Variants in WDR62 observed in about 807,000 individuals in gnomAD.
WDR62 encodes the protein WD repeat domain 62, also known as WD repeat-containing protein 62.
WDR62 carries 112 observed loss-of-function variants against 160.6 expected under a neutral mutation model. That is an observed-to-expected ratio of 0.70 (90% CI 0.60 to 0.82). WDR62 has a LOEUF of 0.82. Among genes scored for constraint, WDR62 ranks in the 40% least tolerant of loss-of-function variants. WDR62 has a pLI of 0.00. For missense variants in WDR62, 1,819 were observed against 1,983.8 expected (o/e 0.92, Z 1.58); for synonymous variants, 792 against 815.1 (o/e 0.97, Z 0.48).
At chr19:36,092,599 T>G (rs1446131473) in intron 18 of WDR62, 90 bp from the exon 19 acceptor site, 9 of 1,564,328 alleles carry the variant, frequency 5.8e-6, no homozygotes, top group African/African-American at 2.7e-5. Flanking sequence ...GGGTCCAGGC[T>G]GTGGTGTGGG....
Position 36,102,142 on chromosome 19 carries a change from C to T in WDR62, c.3211C>T (p.Pro1071Ser), listed in dbSNP as rs138098165. ...RHHFETLTES[P>S]CRELFPAALG... ...CCACTTTGAGACACTGACTGAGTCC[C>T]CCTGCAGAGGTAGGGCCCTGCCTCA... The change falls in exon 26 of 32, where the codon CCC (proline) becomes TCC (serine). Residue 1071 changes from proline to serine, a missense_variant. By Grantham distance (74) the Pro-to-Ser change is moderately conservative. Coordinates refer to ENST00000401500, the MANE Select transcript of WDR62 (RefSeq NM_001083961.2). The T allele has an allele frequency of 6.2e-6, 10 of 1,613,894 alleles. No individual in the cohort carries two copies. In the Admixed American group the frequency reaches 1.0e-4, roughly 16 times the overall value.
chr19:36,103,169 G>C lies in WDR62; in HGVS notation c.3476G>C (p.Gly1159Ala), dbSNP rs757263039. The C allele has an allele frequency of 2.5e-6, 4 of 1,614,096 alleles. No individual in the cohort carries two copies. The Admixed American group carries it at 5.0e-5, about 20-fold the overall frequency. ...CTGTGCCTGCAGGTCCTCGCTGCAG[G>C]GAAGGCTGAAGAGACCCTGGAGGCC... ...SPDRTHVLAAGKAEETLEAWR... is the reference protein window; with the variant it reads ...SPDRTHVLAAAKAEETLEAWR... Residue 1159 changes from glycine to alanine, a missense_variant, in exon 29 of 32, where the codon GGG (glycine) becomes GCG (alanine). This residue lies in a region of WDR62 where 770 missense variants were observed against 734.2 expected (regional missense o/e 1.05). Coordinates refer to ENST00000401500, the MANE Select transcript of WDR62 (RefSeq NM_001083961.2).
intron 21 of WDR62, among the ~76,000 whole-genome samples, chr19:36,097,989 A>G (rs1351784513): frequency 6.6e-6 from 1 of 152,274 alleles, no homozygotes; most frequent in Admixed American, 6.5e-5. Context: ...GAGTTGAAGC[A>G]AGTGAGACAG....
chr19:36,073,821 A>G, intron 9 of WDR62: 1 of 465,452 alleles, frequency 2.1e-6, no homozygotes. Flanking sequence ...GTGGTATTCT[A>G]GAGAGGAGAG....
rs759724406 is a variant in WDR62, at chr19:36,060,078, C to A, written c.332+48C>A. The A allele has an allele frequency of 5.1e-6, 8 of 1,572,158 alleles. 1 individual carries two copies. The South Asian group carries it at 8.9e-5, about 17-fold the overall frequency. On this transcript the variant is annotated intron_variant, in intron 3 of 31. Coordinates refer to ENST00000401500, the MANE Select transcript of WDR62 (RefSeq NM_001083961.2). The stretch of plus-strand genomic sequence containing the variant: ...GGCAGGGGTGGAACCAGGGGCTTGG[C>A]ACGCCTCCCCTCCCCTACACAGCCT...
chr19:36,098,242 G>A (rs1973093691), intron 21 of WDR62, among the ~76,000 whole-genome samples: 1 of 151,600 alleles, frequency 6.6e-6, no homozygotes, highest in Non-Finnish European at 1.5e-5. Context: ...AGCTTGGATG[G>A]CAGAACGAGA....
In WDR62 at chr19:36,071,641, A is replaced by G; in HGVS notation, c.968A>G (p.His323Arg). Residue 323 changes from histidine (H) to arginine (R), a missense_variant, in exon 8 of 32, where the codon CAT (histidine) becomes CGT (arginine). This residue lies in a region of WDR62 where 934 missense variants were observed against 1,157.2 expected (regional missense o/e 0.81). Transcript: ENST00000401500. ...GGGATAGTCCGCATCTTCCAGGCCCATAGCCTGCACTACCTCGCCAACCTG... is the reference window on the plus strand; with the variant it reads ...GGGATAGTCCGCATCTTCCAGGCCCGTAGCCTGCACTACCTCGCCAACCTG... ...TDGIVRIFQAHSLHYLANLPK... is the reference protein window; with the variant it reads ...TDGIVRIFQARSLHYLANLPK... The G allele has an allele frequency of 6.2e-7, 1 of 1,614,250 alleles. No individual in the cohort carries two copies. Among genetic ancestry groups the G allele is most frequent in the Non-Finnish European group, 8.5e-7 (1 of 1,180,046 alleles).
intron 30 of WDR62, 51 bp from the exon 31 acceptor site, chr19:36,104,467 C>A: frequency 6.2e-7 from 1 of 1,606,346 alleles, no homozygotes; most frequent in South Asian, 1.1e-5. Flanking sequence ...TCTGGCCGCT[C>A]ACACCAATGG....
intron 7 of WDR62, among the ~76,000 whole-genome samples, chr19:36,069,053 G>A (rs1353345619): frequency 5.9e-5 from 9 of 151,264 alleles, no homozygotes; most frequent in Non-Finnish European, 1.0e-4. Flanking sequence ...CCTCCTGGAC[G>A]GGGCGGCTGG....
At chr19:36,066,566 C>T (rs991792288) in intron 5 of WDR62, 139 bp downstream of exon 5, 1 of 910,726 alleles carries the variant, frequency 1.1e-6, no homozygotes, top group South Asian at 1.5e-5. Flanking sequence ...GCACCTGTGA[C>T]ATGCTGATCC....
chr19:36,067,241 G>T, intron 5 of WDR62, 65 bp from the exon 6 acceptor site: 1 of 1,609,592 alleles, frequency 6.2e-7, no homozygotes, highest in Non-Finnish European at 8.5e-7. Flanking sequence ...CAGCCTGAGG[G>T]CAAAGGCACA....
rs185427772 is a variant in WDR62, at chr19:36,069,987, G to A, written c.883-1569G>A. On this transcript the variant is annotated intron_variant, in intron 7 of 31. Coordinates refer to ENST00000401500, the MANE Select transcript of WDR62 (RefSeq NM_001083961.2). Reference sequence around the variant, plus strand: ...TGGCTCGGCATCAGAGGGAGACCGTGGAAAGAGAGGGAGAGGGAGACCGTG... The same window carrying A: ...TGGCTCGGCATCAGAGGGAGACCGTAGAAAGAGAGGGAGAGGGAGACCGTG... Among the ~76,000 whole-genome samples, 374 of 151,856 alleles carry A rather than the reference G, an allele frequency of 2.5e-3. 3 individuals are homozygous for A. The highest frequency in any genetic ancestry group is 8.1e-3 in the African/African-American group (335 of 41,350).
intron 15 of WDR62, among the ~76,000 whole-genome samples, chr19:36,090,127 G>C (rs1223377109): frequency 6.6e-6 from 1 of 152,218 alleles, no homozygotes; most frequent in Non-Finnish European, 1.5e-5. Context: ...GGAGGATGTG[G>C]AGGAGCGAGC....
Position 36,103,202 on chromosome 19 carries a change from C to A in WDR62, c.3509C>A (p.Pro1170Gln). Residue 1170 changes from proline to glutamine, a missense_variant, in exon 29 of 32, where the codon CCA (proline) becomes CAA (glutamine). Coordinates refer to ENST00000401500, the MANE Select transcript of WDR62 (RefSeq NM_001083961.2). ...GAAGAGACCCTGGAGGCCTGGCGCC[C>A]ACCACGTGAGTGCCCCAGTCCCAGA... ...KAEETLEAWR[P>Q]PPPCLTSLAS... is the part of the protein sequence containing the mutation. 1 of 1,613,718 alleles carries A rather than the reference C, an allele frequency of 6.2e-7. No individual in the cohort carries two copies. Among genetic ancestry groups the A allele is most frequent in the Non-Finnish European group, 8.5e-7 (1 of 1,179,998 alleles).
At chr19:36,092,653 T>C in intron 18 of WDR62, 36 bp from the exon 19 acceptor site, 1 of 1,613,512 alleles carries the variant, frequency 6.2e-7, no homozygotes, top group Non-Finnish European at 8.5e-7. Flanking sequence ...TGCTTACTCT[T>C]CCTCTGCCTT....
chr19:36,099,579 T>G lies in WDR62; in HGVS notation c.2701T>G (p.Ser901Ala), dbSNP rs1568365678. ...GAGTCTGGAGAACTCCATTCTGGAT[T>G]CACTGGAGCCACAGAGCCTGGCCAG... ...PESLENSILD[S>A]LEPQSLASLL... The change falls in exon 22 of 32, where the codon TCA becomes GCA. Residue 901 changes from serine (S) to alanine (A), a missense_variant. Coordinates refer to ENST00000401500, the MANE Select transcript of WDR62 (RefSeq NM_001083961.2). The G allele has an allele frequency of 6.2e-7, 1 of 1,614,180 alleles. No homozygotes were observed. The highest frequency in any genetic ancestry group is 1.7e-5 in the Admixed American group (1 of 60,028).
In WDR62 at chr19:36,091,434, T is replaced by G. The variant is rs1466743552; in HGVS notation, c.2179T>G (p.Cys727Gly). ...TACCAGCATGAAGTTCACCTATGAC[T>G]GTCATCACTTGATCACAGTATCTGG... Reference protein sequence around the residue: ...IITSMKFTYDCHHLITVSGDS... With the variant: ...IITSMKFTYDGHHLITVSGDS... The change falls in exon 18 of 32, where the codon TGT (cysteine) becomes GGT (glycine). Residue 727 changes from cysteine (C) to glycine (G), a missense_variant. Around this residue, in one of 3 missense-constraint regions of WDR62, gnomAD observed 934 missense variants for 1,157.2 expected, o/e 0.81. Coordinates refer to ENST00000401500, the MANE Select transcript of WDR62 (RefSeq NM_001083961.2). 4 of 1,589,280 alleles carry G rather than the reference T, an allele frequency of 2.5e-6. No individual in the cohort carries two copies. The highest frequency in any genetic ancestry group is 3.4e-6 in the Non-Finnish European group (4 of 1,164,772).
At chr19:36,058,988 T>A in intron 2 of WDR62, 117 bp downstream of exon 2, 1 of 851,556 alleles carries the variant, frequency 1.2e-6, no homozygotes. Flanking sequence ...ATGTGGAGAA[T>A]GGGGCCTGCC....
chr19:36,062,649 C>CAAAAAAAAAAAAAAAA (rs1167386837), intron 3 of WDR62: 4 of 39,458 alleles, frequency 1.0e-4, no homozygotes, highest in African/African-American at 4.7e-4. Flanking sequence ...GAGTCCGTCT[C>CAAAAAAAAAAAAAAAA]AAAAAAAAAA....
Sources: allele counts gnomAD v4.1 joint callset (sites outside exome capture counted in the v4.1 genomes callset), GRCh38; gene constraint gnomAD v4.1.1; regional missense constraint gnomAD v4.1.1; transcripts MANE v1.5; gene names NCBI Gene and HGNC (gene_info 2026-07-23, HGNC 2026-07-21).